The following CMYA5 variants were observed in gnomAD, a reference collection of about 807,000 sequenced individuals.
CMYA5 encodes the protein cardiomyopathy-associated protein 5.
Under a neutral mutation model 318.9 loss-of-function variants are expected in CMYA5, and 246 were observed. The observed-to-expected ratio is 0.77, with a 90% CI of 0.70 to 0.86. The LOEUF is 0.86. Ranked by LOEUF, CMYA5 falls within the 40% of genes least tolerant of loss-of-function variation. CMYA5 has a pLI of 0.00. For missense variants in CMYA5, 4,589 were observed against 4,678.2 expected, an observed-to-expected ratio of 0.98 and a Z score of 0.56; for synonymous variants, 1,641 against 1,729.5, an observed-to-expected ratio of 0.95 and a Z score of 1.27.
chr5:79,730,952 C>T lies in CMYA5; in HGVS notation c.2187C>T (p.Tyr729=), dbSNP rs114249678. The change falls in exon 2 of 13, where the codon TAC becomes TAT. Residue 729 remains tyrosine, a synonymous_variant. Coordinates refer to ENST00000446378, the MANE Select transcript of CMYA5 (RefSeq NM_153610.5). The part of the protein sequence containing the change: ...SPLILKGVSE[Y]MIPSEEKEDT... ...TAATATTGAAAGGTGTTTCTGAGTACATGATTCCATCAGAAGAGAAGGAAG... is the reference window on the plus strand; with the variant it reads ...TAATATTGAAAGGTGTTTCTGAGTATATGATTCCATCAGAAGAGAAGGAAG... 1.3e-3 allele frequency: 2,028 copies of T among 1,613,928 alleles called. 29 individuals carry two copies. The African/African-American group carries it at 0.024, about 19-fold the overall frequency.
Position 79,729,763 on chromosome 5 carries a change from A to G in CMYA5, c.998A>G (p.Asn333Ser), listed in dbSNP as rs1399981650. 3.1e-6 allele frequency: 5 copies of G among 1,613,966 alleles called. No homozygotes were observed. The highest frequency in any genetic ancestry group is 1.7e-5 in the Admixed American group (1 of 60,010). The change falls in exon 2 of 13, where the codon AAT becomes AGT. Residue 333 changes from asparagine (N) to serine (S), a missense_variant. Coordinates refer to ENST00000446378, the MANE Select transcript of CMYA5 (RefSeq NM_153610.5). ...QKKIYADSPL[N>S]ATSALEHTVP... The stretch of plus-strand genomic sequence containing the variant: ...AAAATTTATGCTGATTCTCCCCTAA[A>G]TGCCACATCTGCATTGGAGCACACA...
chr5:79,776,248 T>C (rs1458996511), intron 9 of CMYA5, among the ~76,000 whole-genome samples: 3 of 152,160 alleles, frequency 2.0e-5, no homozygotes, highest in Non-Finnish European at 4.4e-5. Flanking sequence ...AGTGAGACGC[T>C]TACCATCGAG....
rs193135150 is a variant in CMYA5 at position 79,769,202 on chromosome 5, T to C, written c.11555+5993T>C. ...TTCTAGTTAGAAATTCCTCTAACCT[T>C]TTTTCAAGGTTCTTAGCTTCCTTGC... is the stretch of plus-strand genomic sequence containing the variant. On this transcript the variant is annotated intron_variant, in intron 9 of 12. Coordinates refer to ENST00000446378, the MANE Select transcript of CMYA5 (RefSeq NM_153610.5). Among the ~76,000 whole-genome samples, 356 of 152,186 alleles carry C rather than the reference T, an allele frequency of 2.3e-3. 2 individuals are homozygous for C. Among genetic ancestry groups the C allele is most frequent in the African/African-American group, 8.4e-3 (348 of 41,538 alleles).
rs1298442506 is a variant in CMYA5, at chr5:79,724,538, T to C, written c.150-4377T>C. Among the ~76,000 whole-genome samples, 3 of 152,198 alleles carry C rather than the reference T, an allele frequency of 2.0e-5. No homozygotes were observed. In the East Asian group the frequency reaches 5.8e-4, roughly 29 times the overall value. ...CGCTGAAAGTGTGGAGGAAGTGAGC[T>C]TCCCAAGACATTATTTGTCTCACTA... On this transcript the variant is annotated intron_variant, in intron 1 of 12. Coordinates refer to ENST00000446378, the MANE Select transcript of CMYA5 (RefSeq NM_153610.5).
chr5:79,799,873 A>ACGGCTACCACCG lies in CMYA5; in HGVS notation c.*257_*258insCGGCTACCACCG. The ACGGCTACCACCG allele has an allele frequency of 7.0e-6, 1 of 142,348 alleles. No homozygotes were observed. Among genetic ancestry groups the ACGGCTACCACCG allele is most frequent in the Admixed American group, 8.2e-5 (1 of 12,148 alleles). The allele number at this position is 142,348 out of a possible 1,614,324, so 8.8% of individuals were successfully genotyped here. ...AAGTTTGAGTTCTTTCCTAAATTAA[A>ACGGCTACCACCG]AGATCTACACTTGAGTTGGGAACCG... On this transcript the variant is annotated 3_prime_UTR_variant, in exon 13 of 13. Coordinates refer to ENST00000446378, the MANE Select transcript of CMYA5 (RefSeq NM_153610.5).
At chr5:79,707,524 G>C (rs1452075211) in intron 1 of CMYA5, among the ~76,000 whole-genome samples, 3 of 152,066 alleles carry the variant, frequency 2.0e-5, no homozygotes, top group Non-Finnish European at 2.9e-5. Context: ...GTACCTTTTG[G>C]CTTAATTATA....
chr5:79,770,687 G>A (rs572448113), intron 9 of CMYA5, among the ~76,000 whole-genome samples: 2 of 152,234 alleles, frequency 1.3e-5, no homozygotes, highest in African/African-American at 4.8e-5. Flanking sequence ...GATCTCGCTG[G>A]GAGCTGGAGA....
rs138092420 is a variant in CMYA5 at position 79,798,773 on chromosome 5, G to T, written c.11964-597G>T. Among the ~76,000 whole-genome samples the T allele has an allele frequency of 4.7e-3, 712 of 152,278 alleles. 5 individuals carry two copies. The highest frequency in any genetic ancestry group is 0.016 in the African/African-American group (662 of 41,548). ...TTGAGTTGAATTTGTCTGAATTAAA[G>T]AGAGGAATCAAAGGCAACCCCGCTG... On this transcript the variant is annotated intron_variant, in intron 12 of 12. Transcript: ENST00000446378.
chr5:79,699,469 G>A (rs1827135551), intron 1 of CMYA5, among the ~76,000 whole-genome samples: 1 of 152,214 alleles, frequency 6.6e-6, no homozygotes, highest in Admixed American at 6.5e-5. Context: ...AAGCCTATCA[G>A]CATCTGCTTT....
rs772792477 is a variant in CMYA5, at chr5:79,736,114, C to T, written c.7349C>T (p.Ser2450Phe). The T allele has an allele frequency of 6.2e-7, 1 of 1,613,562 alleles. No homozygotes were observed. Among genetic ancestry groups the T allele is most frequent in the Non-Finnish European group, 8.5e-7 (1 of 1,179,724 alleles). Residue 2450 changes from serine (S) to phenylalanine (F), a missense_variant, in exon 2 of 13, where the codon TCT becomes TTT. Physicochemically the swap from Ser to Phe is radical, Grantham distance 155. Transcript: ENST00000446378. Reference sequence around the variant, plus strand: ...TCTGAAGAGGAAACAAAACTCAGGTCTGTTAGTCCAACTGAGAAGAAAGAT... The same window carrying T: ...TCTGAAGAGGAAACAAAACTCAGGTTTGTTAGTCCAACTGAGAAGAAAGAT... ...KISEEETKLR[S>F]VSPTEKKDNL...
At chr5:79,777,459 T>C (rs898375956) in intron 9 of CMYA5, among the ~76,000 whole-genome samples, 2 of 152,146 alleles carry the variant, frequency 1.3e-5, no homozygotes, top group Non-Finnish European at 2.9e-5. Context: ...TCAATACATA[T>C]GAAACTACTT....
intron 9 of CMYA5, among the ~76,000 whole-genome samples, chr5:79,765,129 G>A (rs936998136): frequency 2.2e-4 from 33 of 152,060 alleles, no homozygotes; most frequent in South Asian, 1.2e-3. Flanking sequence ...TAGGTCTTAC[G>A]TTTAAGTCTT....
chr5:79,767,767 A>G (rs1316690608), intron 9 of CMYA5, among the ~76,000 whole-genome samples: 1 of 152,194 alleles, frequency 6.6e-6, no homozygotes, highest in East Asian at 1.9e-4. Context: ...TGCTGAGAAG[A>G]ATGTATATTC....
In CMYA5 at chr5:79,721,137, A is replaced by G. The variant is rs554526152; in HGVS notation, c.150-7778A>G. ...TGTAATTTCCAGGGTAATCACTAAA[A>G]TAATAGTCAAGTAGAATGTAGCTAA... On this transcript the variant is annotated intron_variant, in intron 1 of 12. Coordinates refer to ENST00000446378, the MANE Select transcript of CMYA5 (RefSeq NM_153610.5). 2.0e-5 allele frequency among the ~76,000 whole-genome samples: 3 copies of G among 152,302 alleles called. No individual in the cohort carries two copies. In the East Asian group the frequency reaches 5.8e-4, roughly 29 times the overall value.
rs59578805 is a variant in CMYA5 at position 79,776,156 on chromosome 5, G to A, written c.11556-12815G>A. On this transcript the variant is annotated intron_variant, in intron 9 of 12. Transcript: ENST00000446378. ...TCAGCACTTGGGGAGTCTGAGGTGG[G>A]AGAATCACTTGAGGCCAAGGAGTTC... Among the ~76,000 whole-genome samples, 496 of 152,124 alleles carry A rather than the reference G, an allele frequency of 3.3e-3. 2 individuals are homozygous for A. Among genetic ancestry groups the A allele is most frequent in the African/African-American group, 0.011 (471 of 41,498 alleles).
At position 79,731,579 on chromosome 5, in the gene CMYA5, T is replaced by C. The variant is rs1322103038; in HGVS notation, c.2814T>C (p.Asp938=). The change falls in exon 2 of 13, where the codon GAT becomes GAC. Residue 938 remains aspartate, a synonymous_variant. Coordinates refer to ENST00000446378, the MANE Select transcript of CMYA5 (RefSeq NM_153610.5). The part of the protein sequence containing the change: ...ASSPMNLSEE[D]QEDIGPFSPD... ...CACCCATGAATTTATCAGAAGAAGA[T>C]CAAGAAGACATTGGACCTTTTTCTC... 29 of 1,612,090 alleles carry C rather than the reference T, an allele frequency of 1.8e-5. No homozygotes were observed. The highest frequency in any genetic ancestry group is 2.7e-5 in the African/African-American group (2 of 74,824).
intron 9 of CMYA5, among the ~76,000 whole-genome samples, chr5:79,786,590 T>G (rs1469108880): frequency 1.3e-5 from 2 of 152,212 alleles, no homozygotes; most frequent in African/African-American, 4.8e-5. Flanking sequence ...ATGGACTTAG[T>G]TACAATTAGG....
In CMYA5 at chr5:79,739,123, A is replaced by G. The variant is rs770461902; in HGVS notation, c.10358A>G (p.Gln3453Arg). The G allele has an allele frequency of 6.2e-7, 1 of 1,612,376 alleles. No homozygotes were observed. Among genetic ancestry groups the G allele is most frequent in the East Asian group, 2.2e-5 (1 of 44,874 alleles). ...SESTPEDVLS[Q>R]GKESFEHISE... ...TCCACACCTGAAGATGTCTTATCTC[A>G]AGGAAAGGAATCCTTTGAGCACATC... Residue 3453 changes from glutamine (Q) to arginine (R), a missense_variant, in exon 2 of 13, where the codon CAA becomes CGA. Physicochemically the swap from Gln to Arg is conservative, Grantham distance 43. Transcript: ENST00000446378.
rs868425644 is a variant in CMYA5, at chr5:79,691,090, G to A, written c.149+1034G>A. The stretch of plus-strand genomic sequence containing the variant: ...CTAACTTTTTCCCCTATGGGGAAAC[G>A]TTTCCCTAACATGGGGAGTGTGAGA... On this transcript the variant is annotated intron_variant, in intron 1 of 12. Coordinates refer to ENST00000446378, the MANE Select transcript of CMYA5 (RefSeq NM_153610.5). Among the ~76,000 whole-genome samples the A allele has an allele frequency of 5.9e-5, 9 of 152,310 alleles. No homozygotes were observed. In the Middle Eastern group the frequency reaches 0.014, roughly 230 times the overall value.
Sources: allele counts gnomAD v4.1 joint callset (sites outside exome capture counted in the v4.1 genomes callset), GRCh38; gene constraint gnomAD v4.1.1; transcripts MANE v1.5; gene names NCBI Gene and HGNC (gene_info 2026-07-23, HGNC 2026-07-21).